Variants in PCDH7 observed in about 807,000 individuals in gnomAD.
The protein encoded by PCDH7 is protocadherin-7.
PCDH7 carries 17 observed loss-of-function variants against 58.9 expected under a neutral mutation model. The observed-to-expected ratio is 0.29, with a 90% confidence interval of 0.20 to 0.43. The LOEUF is 0.43. Ranked by LOEUF, PCDH7 falls within the 20% of genes least tolerant of loss-of-function variation. The pLI is 1.00. For missense variants in PCDH7, 1,274 were observed against 1,441.0 expected, an observed-to-expected ratio of 0.88 and a Z score of 1.88; for synonymous variants, 664 against 616.4, an observed-to-expected ratio of 1.08 and a Z score of -1.14.
chr4:30,735,333 T>C (rs925893928), downstream of PCDH7, among the ~76,000 whole-genome samples: 1 of 152,138 alleles, frequency 6.6e-6, no homozygotes, highest in Non-Finnish European at 1.5e-5. Context: ...CAGTCAAATG[T>C]CAAGCAGCCA....
chr4:31,041,081 T>G (rs1431441851), intron 3 of PCDH7, among the ~76,000 whole-genome samples: 1 of 152,228 alleles, frequency 6.6e-6, no homozygotes, highest in Non-Finnish European at 1.5e-5. Context: ...TAAAATTCTG[T>G]AATACTTCAC....
At chr4:30,964,276 C>A (rs1373728892) in intron 3 of PCDH7, among the ~76,000 whole-genome samples, 1 of 148,646 alleles carries the variant, frequency 6.7e-6, no homozygotes, top group Non-Finnish European at 1.5e-5. Context: ...AAATCTGGCT[C>A]TGTCTCCCAG....
intron 1 of PCDH7, among the ~76,000 whole-genome samples, chr4:30,771,237 A>G (rs1721359945): frequency 6.6e-6 from 1 of 152,248 alleles, no homozygotes; most frequent in African/African-American, 2.4e-5. Context: ...AAAAATGACC[A>G]TATTTGAACC....
At chr4:30,863,073 T>G (rs1296771890) in intron 1 of PCDH7, among the ~76,000 whole-genome samples, 2 of 152,144 alleles carry the variant, frequency 1.3e-5, no homozygotes, top group African/African-American at 4.8e-5. Flanking sequence ...GTGTTCCCTT[T>G]GCAATTTCAA....
chr4:30,854,374 T>G (rs760580433), intron 1 of PCDH7, among the ~76,000 whole-genome samples: 1 of 150,660 alleles, frequency 6.6e-6, no homozygotes, highest in Non-Finnish European at 1.5e-5. Flanking sequence ...ATAATACTGA[T>G]TGAAGAATTT....
chr4:30,808,526 T>C (rs1041546453), intron 1 of PCDH7, among the ~76,000 whole-genome samples: 3 of 152,190 alleles, frequency 2.0e-5, no homozygotes, highest in African/African-American at 7.2e-5. Flanking sequence ...GTCTCCTTTT[T>C]AATGATATTT....
intron 1 of PCDH7, among the ~76,000 whole-genome samples, chr4:30,795,279 C>T (rs1274678081): frequency 1.3e-5 from 2 of 152,184 alleles, no homozygotes; most frequent in Non-Finnish European, 2.9e-5. Flanking sequence ...CCTTACCCAG[C>T]TCTCTTATGT....
intron 2 of PCDH7, among the ~76,000 whole-genome samples, chr4:30,949,898 T>C (rs1362870618): frequency 6.8e-6 from 1 of 146,044 alleles, no homozygotes; most frequent in East Asian, 2.1e-4. Flanking sequence ...ACTGGGTCCC[T>C]GGATTTGGAG....
intron 1 of PCDH7, among the ~76,000 whole-genome samples, chr4:30,756,045 C>G (rs1719251975): frequency 6.6e-6 from 1 of 152,128 alleles, no homozygotes; most frequent in African/African-American, 2.4e-5. Context: ...CACCACTGCA[C>G]TCCAGCCTGG....
At chr4:30,966,890 A>G (rs1300452498) in intron 3 of PCDH7, among the ~76,000 whole-genome samples, 3 of 152,140 alleles carry the variant, frequency 2.0e-5, no homozygotes, top group Admixed American at 2.0e-4. Flanking sequence ...ATCAAAATGG[A>G]AACTGAGAGT....
intron 3 of PCDH7, among the ~76,000 whole-genome samples, chr4:30,972,076 C>T (rs190135433): frequency 7.7e-4 from 118 of 152,300 alleles, no homozygotes; most frequent in African/African-American, 2.8e-3. Flanking sequence ...ACCTAAGAAG[C>T]CTCAGGCTGT....
At chr4:30,839,770 A>G (rs1730973453) in intron 1 of PCDH7, among the ~76,000 whole-genome samples, 1 of 152,142 alleles carries the variant, frequency 6.6e-6, no homozygotes, top group South Asian at 2.1e-4. Context: ...ATCTTAGTCT[A>G]TATTCTCAAC....
intron 3 of PCDH7, among the ~76,000 whole-genome samples, chr4:31,044,356 T>C (rs1267905642): frequency 6.6e-6 from 1 of 152,096 alleles, no homozygotes; most frequent in Non-Finnish European, 1.5e-5. Flanking sequence ...TTTTTTTCAT[T>C]TATATAGTGT....
chr4:30,828,663 C>T (rs11724608), intron 1 of PCDH7, among the ~76,000 whole-genome samples: 12,963 of 152,006 alleles, frequency 0.085, 742 homozygotes, highest in Non-Finnish European at 0.12. Context: ...ACTATGGTTC[C>T]GAGAGCATGG....
At chr4:31,094,766 C>A in intron 3 of PCDH7, among the ~76,000 whole-genome samples, 1 of 151,764 alleles carries the variant, frequency 6.6e-6, no homozygotes, top group African/African-American at 2.4e-5. Context: ...TCTTCTGATA[C>A]ATTTCCTGCA....
At chr4:31,023,726 T>C (rs1275215111) in intron 3 of PCDH7, among the ~76,000 whole-genome samples, 3 of 152,282 alleles carry the variant, frequency 2.0e-5, no homozygotes, top group African/African-American at 7.2e-5. Flanking sequence ...AAAATTTTAT[T>C]TTAGAATTAC....
intron 3 of PCDH7, among the ~76,000 whole-genome samples, chr4:31,056,806 C>T (rs1757296451): frequency 6.6e-6 from 1 of 152,170 alleles, no homozygotes; most frequent in Non-Finnish European, 1.5e-5. Context: ...TCTTGAACTC[C>T]TGACTTCAGG....
In PCDH7 at chr4:30,991,074, C is replaced by T. The variant is rs1390616432; in HGVS notation, c.*7+40859C>T. Among the ~76,000 whole-genome samples, 7 of 152,186 alleles carry T rather than the reference C, an allele frequency of 4.6e-5. No individual in the cohort carries two copies. In the South Asian group the frequency reaches 1.2e-3, roughly 27 times the overall value. On this transcript the variant is annotated intron_variant, in intron 3 of 3. Transcript: ENST00000509759. Reference sequence around the variant, plus strand: ...TGTCCACTTCTTCATCTGTTTTTCACGATACACCGGGTTCTTTCCATCTAG... The same window carrying T: ...TGTCCACTTCTTCATCTGTTTTTCATGATACACCGGGTTCTTTCCATCTAG...
At chr4:30,958,331 G>A (rs1748061435) in intron 3 of PCDH7, among the ~76,000 whole-genome samples, 1 of 151,846 alleles carries the variant, frequency 6.6e-6, no homozygotes, top group Admixed American at 6.6e-5. Flanking sequence ...ATATATGAGT[G>A]GCATGTAATC....
Sources: gnomAD v4.1 joint callset for allele counts (sites outside exome capture counted in the v4.1 genomes callset) on GRCh38, gnomAD v4.1.1 for gene constraint, MANE v1.5 for transcripts, NCBI Gene and HGNC (gene_info 2026-07-23, HGNC 2026-07-21) for gene names.